Variants in SMIM36 observed in about 807,000 individuals in gnomAD.
SMIM36 encodes the protein small integral membrane protein 36.
chr17:55,529,727 G>A, the SMIM36 span, among the ~76,000 whole-genome samples: 5 of 151,984 alleles, frequency 3.3e-5, no homozygotes, highest in African/African-American at 1.2e-4. Context: ...AGAGGTCGAG[G>A]CTGTGGTGAG....
intron 3 of SMIM36, among the ~76,000 whole-genome samples, chr17:55,468,780 T>C (rs1477763896): frequency 6.6e-6 from 1 of 152,176 alleles, no homozygotes; most frequent in Non-Finnish European, 1.5e-5. Context: ...CTTAAAAACC[T>C]AAAACCCCTT....
chr17:55,469,247 G>T (rs1438604824), intron 3 of SMIM36, among the ~76,000 whole-genome samples: 1 of 152,002 alleles, frequency 6.6e-6, no homozygotes, highest in Non-Finnish European at 1.5e-5. Flanking sequence ...TTCGTTCCGC[G>T]ACTAGCTCTT....
the SMIM36 span, among the ~76,000 whole-genome samples, chr17:55,531,494 C>G: frequency 2.6e-5 from 4 of 152,170 alleles, no homozygotes; most frequent in Non-Finnish European, 5.9e-5. Flanking sequence ...TGTGGCCCTA[C>G]CCCCTAGTAG....
At chr17:55,508,878 G>A (rs542536090) in intron 1 of SMIM36, among the ~76,000 whole-genome samples, 3 of 145,670 alleles carry the variant, frequency 2.1e-5, no homozygotes, top group East Asian at 2.0e-4. Context: ...AGCCGAGATC[G>A]TGCCATTGCA....
chr17:55,500,200 C>T (rs577938009), intron 1 of SMIM36, among the ~76,000 whole-genome samples: 57 of 152,086 alleles, frequency 3.7e-4, no homozygotes, highest in Non-Finnish European at 5.9e-5. Flanking sequence ...TCATGGCTCA[C>T]TGCAGCCTCA....
chr17:55,489,848 C>CA (rs375656571), intron 1 of SMIM36, among the ~76,000 whole-genome samples: 18 of 78,636 alleles, frequency 2.3e-4, no homozygotes, highest in South Asian at 1.3e-3. Context: ...TATTATTGCT[C>CA]GGTTTTTTTT....
rs568686447 is a variant in SMIM36 at position 55,508,154 on chromosome 17, A to T, written c.*174+2725T>A. On this transcript the variant is annotated intron_variant, in intron 1 of 4. Coordinates refer to ENST00000636752, the Ensembl canonical transcript of SMIM36. ...TTGCCTTGTAACAAACACACAATGA[A>T]AAGAGCAGAGTTGAGTGTTGTATTT... 1.1e-4 allele frequency among the ~76,000 whole-genome samples: 16 copies of T among 152,128 alleles called. No individual in the cohort carries two copies. The South Asian group carries it at 3.3e-3, about 32-fold the overall frequency.
At chr17:55,513,960 T>G (rs1448674862), upstream of SMIM36, among the ~76,000 whole-genome samples, 1 of 152,204 alleles carries the variant, frequency 6.6e-6, no homozygotes, top group Non-Finnish European at 1.5e-5. Flanking sequence ...GCTATTGTCT[T>G]TGGTTCCAGT....
At chr17:55,526,825 T>C in the SMIM36 span, 1 of 152,118 alleles carries the variant, frequency 6.6e-6, no homozygotes, top group Non-Finnish European at 1.5e-5. Flanking sequence ...TCAGTCTCCT[T>C]CCCCACTTCA....
At chr17:55,481,344 G>T (rs996137212) in intron 1 of SMIM36, among the ~76,000 whole-genome samples, 11 of 152,152 alleles carry the variant, frequency 7.2e-5, no homozygotes, top group African/African-American at 2.4e-4. Context: ...TAGACATACT[G>T]AAAGCACCAA....
chr17:55,476,486 G>T (rs577194633), intron 3 of SMIM36, among the ~76,000 whole-genome samples: 2 of 152,218 alleles, frequency 1.3e-5, no homozygotes, highest in Non-Finnish European at 2.9e-5. Context: ...CCTGTTTGGT[G>T]GTCTCTTTAC....
At chr17:55,529,012 A>T in the SMIM36 span, among the ~76,000 whole-genome samples, 1 of 152,220 alleles carries the variant, frequency 6.6e-6, no homozygotes, top group Non-Finnish European at 1.5e-5. Context: ...TGCCTGTGTG[A>T]CATTGGATAA....
intron 3 of SMIM36, among the ~76,000 whole-genome samples, chr17:55,473,466 A>G (rs1238634958): frequency 6.6e-6 from 1 of 152,092 alleles, no homozygotes; most frequent in Non-Finnish European, 1.5e-5. Flanking sequence ...TAATTCCCTG[A>G]TTTGGCCCCC....
At chr17:55,477,488 G>T (rs1004016003) in intron 3 of SMIM36, among the ~76,000 whole-genome samples, 4 of 152,170 alleles carry the variant, frequency 2.6e-5, no homozygotes, top group East Asian at 3.9e-4. Flanking sequence ...AATTAGGCAG[G>T]TCATATTAGA....
At chr17:55,467,399 T>C (rs1005125639) in intron 3 of SMIM36, 71 bp from the exon 4 acceptor site, 1 of 151,780 alleles carries the variant, frequency 6.6e-6, no homozygotes, top group African/African-American at 2.4e-5. Context: ...CTTTTGACCA[T>C]ATTTTTTTTT....
At chr17:55,480,551 A>G (rs984595495) in intron 1 of SMIM36, among the ~76,000 whole-genome samples, 3 of 151,992 alleles carry the variant, frequency 2.0e-5, no homozygotes, top group African/African-American at 7.3e-5. Flanking sequence ...TTTTGGGGGG[A>G]TGCATTGACT....
rs1258762584 is a variant in SMIM36, at chr17:55,476,653, C to A, written c.*347+2109G>T. On this transcript the variant is annotated intron_variant, in intron 3 of 4. Transcript: ENST00000636752. The stretch of plus-strand genomic sequence containing the variant: ...CATGAAATCGGCTCACTGCAACCTC[C>A]ACCTCCCGGGTTCAAATAATTCTCC... 5.3e-5 allele frequency among the ~76,000 whole-genome samples: 8 copies of A among 152,214 alleles called. No individual in the cohort carries two copies. In the South Asian group the frequency reaches 1.7e-3, roughly 32 times the overall value.
At chr17:55,495,539 C>T (rs1474101247) in intron 1 of SMIM36, among the ~76,000 whole-genome samples, 2 of 152,114 alleles carry the variant, frequency 1.3e-5, no homozygotes, top group Non-Finnish European at 2.9e-5. Flanking sequence ...CCTGTAATCC[C>T]AGCACTTTGG....
intron 1 of SMIM36, among the ~76,000 whole-genome samples, chr17:55,505,795 T>G (rs1194698655): frequency 8.2e-6 from 1 of 121,410 alleles, no homozygotes; most frequent in African/African-American, 4.0e-5. Context: ...TGTTCCTGTT[T>G]GCAGATGACA....
Sources: gnomAD v4.1 joint callset for allele counts (sites outside exome capture counted in the v4.1 genomes callset) on GRCh38, gnomAD v4.1.1 for gene constraint, MANE v1.5 for transcripts, NCBI Gene and HGNC (gene_info 2026-07-23, HGNC 2026-07-21) for gene names.